Variants in RNFT2 observed in about 807,000 individuals in gnomAD.
The protein encoded by RNFT2 is ring finger protein, transmembrane 2.
Under a neutral mutation model 53.0 loss-of-function variants are expected in RNFT2, and 36 were observed. The observed-to-expected ratio is 0.68, with a 90% CI of 0.52 to 0.90. RNFT2 has a LOEUF of 0.90. Among genes scored for constraint, RNFT2 ranks in the 40% least tolerant of loss-of-function variants. The pLI, the probability that RNFT2 is intolerant of heterozygous loss-of-function variation, is 0.00. For missense variants in RNFT2, 514 were observed against 585.6 expected, an observed-to-expected ratio of 0.88 and a Z score of 1.26; for synonymous variants, 260 against 253.2, an observed-to-expected ratio of 1.03 and a Z score of -0.26.
chr12:116,849,512 G>T lies in RNFT2; in HGVS notation c.*64G>T. On this transcript the variant is annotated 3_prime_UTR_variant, in exon 11 of 11. Coordinates refer to ENST00000257575, the MANE Select transcript of RNFT2 (RefSeq NM_001382266.1). ...CAGCATGCCCGGACCCAGCCCTGCG[G>T]GGGCTTCCTGAGAAACAGGCCTCAA... The T allele has an allele frequency of 6.7e-7, 1 of 1,500,316 alleles. No homozygotes were observed. The allele number at this position is 1,500,316 out of a possible 1,614,324, so 92.9% of individuals were successfully genotyped here.
chr12:116,800,480 A>G (rs1874714693), intron 7 of RNFT2, among the ~76,000 whole-genome samples: 1 of 151,986 alleles, frequency 6.6e-6, no homozygotes, highest in Non-Finnish European at 1.5e-5. Context: ...ATAAATATAA[A>G]AAATCAGCCG....
chr12:116,758,896 A>G (rs1273139006), intron 5 of RNFT2, among the ~76,000 whole-genome samples: 1 of 152,076 alleles, frequency 6.6e-6, no homozygotes, highest in African/African-American at 2.4e-5. Flanking sequence ...TTGTATTTGG[A>G]TGTCTAGGTC....
At chr12:116,845,725 G>A (rs532314692) in intron 10 of RNFT2, among the ~76,000 whole-genome samples, 1 of 152,174 alleles carries the variant, frequency 6.6e-6, no homozygotes, top group South Asian at 2.1e-4. Flanking sequence ...TGACCCCTGG[G>A]TCCTGCCCTC....
At chr12:116,743,283 T>C (rs1472221598) in intron 3 of RNFT2, among the ~76,000 whole-genome samples, 2 of 134,280 alleles carry the variant, frequency 1.5e-5, no homozygotes, top group Admixed American at 8.9e-5. Flanking sequence ...TTTTTTTTTT[T>C]TGAGATGGAG....
intron 6 of RNFT2, among the ~76,000 whole-genome samples, chr12:116,768,712 C>T (rs1219007750): frequency 6.7e-6 from 1 of 148,450 alleles, no homozygotes; most frequent in Non-Finnish European, 1.5e-5. Context: ...TTTTCATTGT[C>T]ATTTTTTTTT....
At chr12:116,748,207 A>G (rs10774884) in intron 3 of RNFT2, among the ~76,000 whole-genome samples, 105,732 of 151,822 alleles carry the variant, frequency 0.7, 37,244 homozygotes, top group East Asian at 0.98. Context: ...AAAAAAAGAA[A>G]GAAAAGAGGA....
At chr12:116,825,019 G>A (rs550742606) in intron 7 of RNFT2, among the ~76,000 whole-genome samples, 1 of 152,286 alleles carries the variant, frequency 6.6e-6, no homozygotes, top group South Asian at 2.1e-4. Flanking sequence ...GGTACAGCTT[G>A]TCTCTCCTCC....
At chr12:116,822,943 G>A (rs772220172) in intron 7 of RNFT2, among the ~76,000 whole-genome samples, 1 of 152,226 alleles carries the variant, frequency 6.6e-6, no homozygotes, top group Non-Finnish European at 1.5e-5. Context: ...ATTGCAGTGA[G>A]CCAAGATTGA....
At position 116,784,463 on chromosome 12, in the gene RNFT2, G is replaced by A. The variant is rs139104136; in HGVS notation, c.882+5115G>A. Among the ~76,000 whole-genome samples the A allele has an allele frequency of 1.1e-3, 165 of 152,304 alleles. 2 individuals are homozygous for A. Among genetic ancestry groups the A allele is most frequent in the African/African-American group, 3.7e-3 (153 of 41,562 alleles). ...TTATCCAATCAACTGTTGCCAAGGA[G>A]GAGGCAATGTCAGCTGGTACGAAAA... On this transcript the variant is annotated intron_variant, in intron 7 of 10. Transcript: ENST00000257575.
At chr12:116,821,628 G>C (rs1206459940) in intron 7 of RNFT2, among the ~76,000 whole-genome samples, 3 of 152,136 alleles carry the variant, frequency 2.0e-5, no homozygotes, top group African/African-American at 7.2e-5. Context: ...AAGCAAGCAA[G>C]GAAAAGTCTC....
chr12:116,755,587 A>C (rs1872468558), intron 5 of RNFT2: 4 of 858,362 alleles, frequency 4.7e-6, no homozygotes, highest in Non-Finnish European at 7.9e-6. Context: ...CAGAGTGCTT[A>C]ATGTGCTCAA....
At chr12:116,782,827 G>A (rs936619388) in intron 7 of RNFT2, among the ~76,000 whole-genome samples, 7 of 152,146 alleles carry the variant, frequency 4.6e-5, no homozygotes, top group Non-Finnish European at 8.8e-5. Context: ...TCCAGGTCTG[G>A]TAACTGTGCC....
intron 6 of RNFT2, among the ~76,000 whole-genome samples, chr12:116,768,529 C>T (rs190193858): frequency 6.6e-6 from 1 of 152,276 alleles, no homozygotes; most frequent in East Asian, 1.9e-4. Flanking sequence ...AGTGATATTG[C>T]AGCCATCATA....
intron 10 of RNFT2, among the ~76,000 whole-genome samples, chr12:116,845,843 C>T (rs1016672009): frequency 3.3e-5 from 5 of 152,162 alleles, no homozygotes; most frequent in Admixed American, 2.6e-4. Flanking sequence ...CATCAGCTAT[C>T]TTCAAGTGCC....
intron 7 of RNFT2, among the ~76,000 whole-genome samples, chr12:116,793,407 C>A (rs1332850900): frequency 6.6e-6 from 1 of 151,918 alleles, no homozygotes; most frequent in Non-Finnish European, 1.5e-5. Context: ...AGGCTGGTCT[C>A]GAACTCCTGG....
chr12:116,849,459 T>C lies in RNFT2; in HGVS notation c.*11T>C. 1.3e-6 allele frequency: 2 copies of C among 1,578,530 alleles called. No individual in the cohort carries two copies. Among genetic ancestry groups the C allele is most frequent in the African/African-American group, 1.3e-5 (1 of 74,526 alleles). On this transcript the variant is annotated 3_prime_UTR_variant, in exon 11 of 11. Transcript: ENST00000257575. ...TTCCAGGTGTACTAGGACCGAACAC[T>C]GAGGACACCCAGAAGGACGCCAAGG...
Position 116,849,463 on chromosome 12 carries a change from G to A in RNFT2, c.*15G>A, listed in dbSNP as rs1384790288. 4 of 1,576,622 alleles carry A rather than the reference G, an allele frequency of 2.5e-6. No individual in the cohort carries two copies. The highest frequency in any genetic ancestry group is 3.4e-6 in the Non-Finnish European group (4 of 1,160,128). On this transcript the variant is annotated 3_prime_UTR_variant, in exon 11 of 11. Coordinates refer to ENST00000257575, the MANE Select transcript of RNFT2 (RefSeq NM_001382266.1). Reference sequence around the variant, plus strand: ...AGGTGTACTAGGACCGAACACTGAGGACACCCAGAAGGACGCCAAGGGTCA... The same window carrying A: ...AGGTGTACTAGGACCGAACACTGAGAACACCCAGAAGGACGCCAAGGGTCA...
chr12:116,788,978 ATGGATGGG>A (rs781498903), intron 7 of RNFT2, among the ~76,000 whole-genome samples: 22 of 140,582 alleles, frequency 1.6e-4, no homozygotes, highest in Admixed American at 3.5e-4. Context: ...GGATGGATGG[ATGGATGGG>A]TAGATAAATG....
chr12:116,796,962 G>T (rs990898362), intron 7 of RNFT2, among the ~76,000 whole-genome samples: 4 of 152,168 alleles, frequency 2.6e-5, no homozygotes, highest in Non-Finnish European at 5.9e-5. Context: ...TTTTTAGTTG[G>T]CACCATTGGA....
Sources: gnomAD v4.1 joint callset for allele counts (sites outside exome capture counted in the v4.1 genomes callset) on GRCh38, gnomAD v4.1.1 for gene constraint, MANE v1.5 for transcripts, NCBI Gene and HGNC (gene_info 2026-07-23, HGNC 2026-07-21) for gene names.